ARHGAP1: variants seen among roughly 807,000 people sequenced by gnomAD.
ARHGAP1 encodes the protein rho GTPase-activating protein 1.
ARHGAP1 carries 23 observed loss-of-function variants against 52.2 expected under a neutral mutation model. The ratio of observed to expected loss-of-function variants is 0.44; its 90% CI spans 0.32 to 0.62. The LOEUF (loss-of-function observed/expected upper bound fraction) is 0.62, where lower values mean the gene tolerates loss of function less well. Ranked by LOEUF, ARHGAP1 falls within the 20% of genes least tolerant of loss-of-function variation. ARHGAP1 has a pLI of 0.05. For synonymous variants in ARHGAP1, 210 were observed against 228.4 expected, an observed-to-expected ratio of 0.92 and a Z score of 0.73; for missense variants, 480 against 560.9, an observed-to-expected ratio of 0.86 and a Z score of 1.46.
rs751186605 is a variant in ARHGAP1, at chr11:46,679,254, G to A, written c.1132-29C>T. On this transcript the variant is annotated intron_variant, in intron 12 of 12. Coordinates refer to ENST00000311956, the MANE Select transcript of ARHGAP1 (RefSeq NM_004308.5). This position sits in a 1 kb window ranked among gnomAD's most constrained non-coding sequence, Gnocchi z 4.4. ...TGGAGGGAATCAGGGACTGCAGCAG[G>A]AAGCCACAGATGCTGCCTCCCACTC... is the stretch of plus-strand genomic sequence containing the variant. 5.0e-6 allele frequency: 8 copies of A among 1,590,786 alleles called. No individual in the cohort carries two copies. Among genetic ancestry groups the A allele is most frequent in the Non-Finnish European group, 6.9e-6 (8 of 1,166,002 alleles).
chr11:46,679,553 C>T lies in ARHGAP1; in HGVS notation c.1028-85G>A. On this transcript the variant is annotated intron_variant, in intron 11 of 12. Transcript: ENST00000311956. This position sits in a 1 kb window ranked among gnomAD's most constrained non-coding sequence, Gnocchi z 4.4. ...TGATGCAGGCTAGAGGGGAGACCCC[C>T]AGCAGTCTTCCCTGGGAGGCGCCTA... 1.2e-6 allele frequency: 2 copies of T among 1,605,710 alleles called. No individual in the cohort carries two copies. Among genetic ancestry groups the T allele is most frequent in the South Asian group, 1.1e-5 (1 of 90,716 alleles).
chr11:46,678,933 T>C lies in ARHGAP1; in HGVS notation c.*104A>G, dbSNP rs2064501350. 1.5e-6 allele frequency: 2 copies of C among 1,297,266 alleles called. No individual in the cohort carries two copies. The highest frequency in any genetic ancestry group is 4.8e-5 in the Admixed American group (2 of 41,492). 80.4% of individuals were successfully genotyped at this position (1,297,266 alleles called of 1,614,324 possible). On this transcript the variant is annotated 3_prime_UTR_variant, in exon 13 of 13. Coordinates refer to ENST00000311956, the MANE Select transcript of ARHGAP1 (RefSeq NM_004308.5). ...GGTGGGGGAGAGCATGCCTGATGGG[T>C]GGCTCCAACATCTCTCTCCAGGGGG...
chr11:46,693,103 C>T (rs1246038714), intron 3 of ARHGAP1, among the ~76,000 whole-genome samples: 3 of 152,086 alleles, frequency 2.0e-5, no homozygotes, highest in Non-Finnish European at 2.9e-5. Context: ...CCGCCCGCCT[C>T]GGCCTCCCAA....
intron 3 of ARHGAP1, among the ~76,000 whole-genome samples, chr11:46,693,759 C>A (rs945647886): frequency 1.3e-5 from 2 of 152,054 alleles, no homozygotes; most frequent in African/African-American, 4.8e-5. Context: ...GCTGATGGAG[C>A]CAGTCATGTG....
In ARHGAP1 at chr11:46,688,221, G is replaced by C. The variant is rs745820689; in HGVS notation, c.269C>G (p.Ala90Gly). Residue 90 changes from alanine (A) to glycine (G), a missense_variant, in exon 4 of 13, where the codon GCC becomes GGC. Ala to Gly is a moderately conservative substitution (Grantham distance 60). Transcript: ENST00000311956. The stretch of plus-strand genomic sequence containing the variant: ...CTGGTGGCTGGGGGGCATTCGACAG[G>C]CACTAAACACAATGATCTTCCGCCC... ...KYGRKIIVFS[A>G]CRMPPSHQLD... The C allele has an allele frequency of 1.9e-6, 3 of 1,614,058 alleles. No individual in the cohort carries two copies. In the Admixed American group the frequency reaches 5.0e-5, roughly 27 times the overall value.
rs1001253271 is a variant in ARHGAP1, at chr11:46,696,265, T to A, written c.-49-109A>T. The A allele has an allele frequency of 1.3e-5, 9 of 715,372 alleles. No individual in the cohort carries two copies. The African/African-American group carries it at 1.4e-4, about 11-fold the overall frequency. 44.3% of individuals were successfully genotyped at this position (715,372 alleles called of 1,614,324 possible). On this transcript the variant is annotated intron_variant, in intron 1 of 12. Transcript: ENST00000311956. This position sits in a 1 kb window ranked among gnomAD's most constrained non-coding sequence, Gnocchi z 4.8. ...ACCATTCCCTCTCCCAGGCTCCCTG[T>A]CCCTATTCCTCAACACTCCTCATCC... is the stretch of plus-strand genomic sequence containing the variant.
In ARHGAP1 at chr11:46,696,443, G is replaced by C. The variant is rs747016382; in HGVS notation, c.-49-287C>G. On this transcript the variant is annotated intron_variant, in intron 1 of 12. Transcript: ENST00000311956. This position sits in a 1 kb window ranked among gnomAD's most constrained non-coding sequence, Gnocchi z 4.8. ...GAAGAGCTGTGCCAGGTCCTGTGCC[G>C]CCCGCCACCCAGCTGGCTCAGTGAT... 6.6e-6 allele frequency among the ~76,000 whole-genome samples: 1 copy of C among 152,278 alleles called. No homozygotes were observed. The highest frequency in any genetic ancestry group is 3.4e-3 in the Middle Eastern group (1 of 294).
In ARHGAP1 at chr11:46,682,158, C is replaced by G. The variant is rs755576810; in HGVS notation, c.342G>C (p.Gln114His). ...GAAGTGTGTAGTCACTCTCCACGTA[C>G]TGGTCCAGGGTGTGCTTCAGGTACC... ...LLGYLKHTLD[Q>H]YVESDYTLLY... Residue 114 changes from glutamine (Q) to histidine (H), a missense_variant, in exon 5 of 13, where the codon CAG (glutamine) becomes CAC (histidine). Coordinates refer to ENST00000311956, the MANE Select transcript of ARHGAP1 (RefSeq NM_004308.5). 3 of 1,614,168 alleles carry G rather than the reference C, an allele frequency of 1.9e-6. No homozygotes were observed. Among genetic ancestry groups the G allele is most frequent in the Non-Finnish European group, 2.5e-6 (3 of 1,180,014 alleles).
At chr11:46,697,806 G>A (rs375790762) in intron 1 of ARHGAP1, among the ~76,000 whole-genome samples, 5 of 152,300 alleles carry the variant, frequency 3.3e-5, no homozygotes, top group Admixed American at 3.3e-4. Context: ...GGTCAGGAAT[G>A]CATTTCTCTG....
At chr11:46,699,507 A>G (rs1340878701) in intron 1 of ARHGAP1, among the ~76,000 whole-genome samples, 8 of 150,814 alleles carry the variant, frequency 5.3e-5, no homozygotes, top group Non-Finnish European at 1.2e-4. Context: ...TTTGGAGACC[A>G]ACCTGGCCAA....
chr11:46,682,047 C>G lies in ARHGAP1; in HGVS notation c.449+4G>C, dbSNP rs750969448. ...GACTGTGCAGGCCCCATGCCCCAAC[C>G]CACTTGCGGTCAAACTCCCGGTAGG... On this transcript the variant is annotated splice_donor_region_variant and intron_variant, in intron 5 of 12. Transcript: ENST00000311956. The G allele has an allele frequency of 6.2e-7, 1 of 1,613,982 alleles. No individual in the cohort carries two copies. The highest frequency in any genetic ancestry group is 8.5e-7 in the Non-Finnish European group (1 of 1,179,934).
At position 46,680,204 on chromosome 11, in the gene ARHGAP1, C is replaced by T. The variant is rs377597974; in HGVS notation, c.898+1G>A. ...CCCTGCAACAGCCCAGGGCTGCTCA[C>T]CCATGTTGTACTTCTGCTGCACTTC... On this transcript the variant is annotated splice_donor_variant, in intron 10 of 12. Transcript: ENST00000311956. LOFTEE classifies it high-confidence loss of function. The surrounding 1 kb of genome is among the most constrained non-coding windows in gnomAD (Gnocchi z 5.9). 4 of 1,613,990 alleles carry T rather than the reference C, an allele frequency of 2.5e-6. No homozygotes were observed. In the African/African-American group the frequency reaches 5.3e-5, roughly 22 times the overall value.
Position 46,680,899 on chromosome 11 carries a change from G to A in ARHGAP1, c.635+112C>T, listed in dbSNP as rs1357371723. ...TCCACAGCAGAAAGCAAAGACCTGG[G>A]AGAGGTCGGGACACGGGCTTGCTCT... On this transcript the variant is annotated intron_variant, in intron 7 of 12. Transcript: ENST00000311956. The surrounding 1 kb of genome is among the most constrained non-coding windows in gnomAD (Gnocchi z 5.9). 9 of 1,131,584 alleles carry A rather than the reference G, an allele frequency of 8.0e-6. No homozygotes were observed. Among genetic ancestry groups the A allele is most frequent in the Admixed American group, 6.1e-5 (3 of 49,484 alleles). The allele number at this position is 1,131,584 out of a possible 1,614,324, so 70.1% of individuals were successfully genotyped here. A position where few individuals can be genotyped will look rare whatever the true frequency, so the allele number is the denominator to read the frequency against.
chr11:46,677,926 G>C lies in ARHGAP1; in HGVS notation c.*1111C>G, dbSNP rs1376106232. The C allele has an allele frequency of 4.6e-6, 2 of 433,720 alleles. No individual in the cohort carries two copies. Among genetic ancestry groups the C allele is most frequent in the African/African-American group, 2.1e-5 (1 of 47,442 alleles). The allele number at this position is 433,720 out of a possible 1,614,324, so 26.9% of individuals were successfully genotyped here. ...GCCACTGCACTCCAGCCTGGTGACA[G>C]AGCGAGACTCCATCTCAGAAAAAAA... On this transcript the variant is annotated 3_prime_UTR_variant, in exon 13 of 13. Transcript: ENST00000311956.
At chr11:46,689,831 G>T (rs530074704) in intron 3 of ARHGAP1, among the ~76,000 whole-genome samples, 1 of 151,824 alleles carries the variant, frequency 6.6e-6, no homozygotes, top group South Asian at 2.1e-4. Context: ...GAGCCACCAC[G>T]CCCGGCTCTT....
At chr11:46,682,636 A>G (rs991970374) in intron 4 of ARHGAP1, among the ~76,000 whole-genome samples, 5 of 152,156 alleles carry the variant, frequency 3.3e-5, no homozygotes, top group African/African-American at 1.2e-4. Flanking sequence ...GTGAGCAGAG[A>G]TTGTGGCACT....
chr11:46,695,147 T>C, intron 3 of ARHGAP1: 1 of 319,536 alleles, frequency 3.1e-6, no homozygotes, highest in South Asian at 2.7e-5. Context: ...TAAGCGGGGC[T>C]CTGTACCCAC....
In ARHGAP1 at chr11:46,696,848, C is replaced by A. The variant is rs112374431; in HGVS notation, c.-49-692G>T. On this transcript the variant is annotated intron_variant, in intron 1 of 12. Coordinates refer to ENST00000311956, the MANE Select transcript of ARHGAP1 (RefSeq NM_004308.5). The surrounding 1 kb of genome is among the most constrained non-coding windows in gnomAD (Gnocchi z 4.8). ...TGTGCCATTGCACTTCCAGCCTAGG[C>A]GACAGGGCAAGACTCCATCCCAAAA... is the stretch of plus-strand genomic sequence containing the variant. Among the ~76,000 whole-genome samples the A allele has an allele frequency of 4.6e-5, 7 of 152,002 alleles. No individual in the cohort carries two copies. In the South Asian group the frequency reaches 1.2e-3, roughly 27 times the overall value.
At chr11:46,690,009 T>C (rs1206722852) in intron 3 of ARHGAP1, among the ~76,000 whole-genome samples, 1 of 152,230 alleles carries the variant, frequency 6.6e-6, no homozygotes, top group East Asian at 1.9e-4. Flanking sequence ...TCAGTCTGAT[T>C]ACTTAACAGT....
Sources: allele counts gnomAD v4.1 joint callset (sites outside exome capture counted in the v4.1 genomes callset), GRCh38; gene constraint gnomAD v4.1.1; non-coding constraint Gnocchi (gnomAD v3.1); transcripts MANE v1.5; gene names NCBI Gene and HGNC (gene_info 2026-07-23, HGNC 2026-07-21).